DNM3: variants seen among roughly 807,000 people sequenced by gnomAD.
DNM3 encodes the protein dynamin-3.
Under a neutral mutation model 101.6 loss-of-function variants are expected in DNM3, and 47 were observed. The ratio of observed to expected loss-of-function variants is 0.46; its 90% CI spans 0.37 to 0.59. The LOEUF (loss-of-function observed/expected upper bound fraction) is 0.59, where lower values mean the gene tolerates loss of function less well. Among genes scored for constraint, DNM3 ranks in the 20% least tolerant of loss-of-function variants. The pLI is 0.00. For synonymous variants in DNM3, 385 were observed against 387.9 expected, an observed-to-expected ratio of 0.99 and a Z score of 0.09; for missense variants, 849 against 1,085.7, an observed-to-expected ratio of 0.78 and a Z score of 3.06.
At chr1:172,329,063 GT>G (rs5778729) in intron 17 of DNM3, among the ~76,000 whole-genome samples, 80,882 of 151,148 alleles carry the variant, frequency 0.54, 22,177 homozygotes, top group Middle Eastern at 0.68. Context: ...AAGAATTTGT[GT>G]TTTTTTTTGT....
intron 14 of DNM3, among the ~76,000 whole-genome samples, chr1:172,249,622 G>T (rs1302191223): frequency 6.6e-6 from 1 of 152,010 alleles, no homozygotes; most frequent in African/African-American, 2.4e-5. Flanking sequence ...AGTGACCTCA[G>T]CCTCTGAAGC....
At chr1:172,315,317 T>C (rs1257059876) in intron 16 of DNM3, among the ~76,000 whole-genome samples, 1 of 152,018 alleles carries the variant, frequency 6.6e-6, no homozygotes, top group Non-Finnish European at 1.5e-5. Context: ...AACTGGAAAC[T>C]CTAAAAAGCA....
intron 14 of DNM3, chr1:172,144,719 C>G (rs1427199400): frequency 2.2e-6 from 1 of 456,766 alleles, no homozygotes; most frequent in Non-Finnish European, 4.5e-6. Flanking sequence ...ATTCAGCTTT[C>G]CCCCCTGAAT....
At chr1:172,250,854 C>A (rs1378551283) in intron 14 of DNM3, among the ~76,000 whole-genome samples, 1 of 151,976 alleles carries the variant, frequency 6.6e-6, no homozygotes, top group Admixed American at 6.6e-5. Flanking sequence ...TTAGTGCTAT[C>A]AGTAGAAATT....
intron 13 of DNM3, among the ~76,000 whole-genome samples, chr1:172,117,219 A>AG (rs61626491): frequency 1.3e-5 from 2 of 151,860 alleles, no homozygotes; most frequent in South Asian, 2.1e-4. Flanking sequence ...AAAAAAAAAA[A>AG]GTCTTCACTG....
intron 17 of DNM3, among the ~76,000 whole-genome samples, chr1:172,355,375 AAG>A (rs1262189835): frequency 2.6e-5 from 4 of 152,196 alleles, no homozygotes; most frequent in Admixed American, 2.0e-4. Flanking sequence ...ACACTTTCTA[AAG>A]ACAAGTCATA....
At chr1:172,241,967 A>G (rs1482427170) in intron 14 of DNM3, among the ~76,000 whole-genome samples, 1 of 152,214 alleles carries the variant, frequency 6.6e-6, no homozygotes, top group Admixed American at 6.5e-5. Flanking sequence ...GCCCATCTTC[A>G]GAATCCACTC....
intron 14 of DNM3, among the ~76,000 whole-genome samples, chr1:172,193,111 A>G (rs947177739): frequency 1.3e-5 from 2 of 151,658 alleles, no homozygotes; most frequent in Non-Finnish European, 2.9e-5. Context: ...TTTGATTTGC[A>G]TTTCTCTGAT....
chr1:172,373,460 T>C (rs958731837), intron 17 of DNM3, among the ~76,000 whole-genome samples: 1 of 152,110 alleles, frequency 6.6e-6, no homozygotes, highest in Non-Finnish European at 1.5e-5. Flanking sequence ...AATAAAGCAC[T>C]CAGGACAATC....
intron 14 of DNM3, among the ~76,000 whole-genome samples, chr1:172,195,379 T>G (rs1319206954): frequency 6.6e-6 from 1 of 151,848 alleles, no homozygotes. Context: ...ACAAAGACAG[T>G]TTTATTTTTC....
chr1:172,245,047 T>C (rs16844126), intron 14 of DNM3, among the ~76,000 whole-genome samples: 25,148 of 152,198 alleles, frequency 0.17, 2,431 homozygotes, highest in East Asian at 0.24. Flanking sequence ...GTCCTTGAAC[T>C]AGGCAAAGCA....
At chr1:171,842,181 C>G (rs548688316) in intron 1 of DNM3, among the ~76,000 whole-genome samples, 1 of 152,122 alleles carries the variant, frequency 6.6e-6, no homozygotes, top group African/African-American at 2.4e-5. Flanking sequence ...CTGCGTAGCG[C>G]GCCGAAAGCT....
At chr1:172,156,566 T>C (rs977709529) in intron 14 of DNM3, among the ~76,000 whole-genome samples, 6 of 152,060 alleles carry the variant, frequency 3.9e-5, no homozygotes, top group African/African-American at 9.7e-5. Flanking sequence ...CGCCTAATGT[T>C]GGCAAGTAAT....
At chr1:171,962,154 A>T (rs994087304) in intron 2 of DNM3, among the ~76,000 whole-genome samples, 11 of 152,218 alleles carry the variant, frequency 7.2e-5, no homozygotes, top group Non-Finnish European at 4.4e-5. Flanking sequence ...TGAATCCATT[A>T]ATCCAAGAAT....
chr1:172,231,031 G>C (rs2061317028), intron 14 of DNM3, among the ~76,000 whole-genome samples: 1 of 151,648 alleles, frequency 6.6e-6, no homozygotes, highest in Non-Finnish European at 1.5e-5. Flanking sequence ...TCCTAGATGA[G>C]TTCATCTCAT....
intron 20 of DNM3, chr1:172,399,834 G>A (rs2070327186): frequency 1.3e-5 from 2 of 151,594 alleles, no homozygotes; most frequent in African/African-American, 2.4e-5. Context: ...AATTCATCAG[G>A]TATGAAGGTC....
At chr1:172,230,020 G>T (rs1366114413) in intron 14 of DNM3, among the ~76,000 whole-genome samples, 2 of 152,028 alleles carry the variant, frequency 1.3e-5, no homozygotes, top group East Asian at 3.9e-4. Context: ...GTTACTGAAG[G>T]GTTTTATTTT....
At chr1:171,872,719 A>C (rs2035407024) in intron 1 of DNM3, among the ~76,000 whole-genome samples, 1 of 152,082 alleles carries the variant, frequency 6.6e-6, no homozygotes, top group Admixed American at 6.5e-5. Context: ...GAAAATGTGG[A>C]AAGTCGATGT....
chr1:172,246,977 A>G (rs1264135775), intron 14 of DNM3, among the ~76,000 whole-genome samples: 1 of 152,212 alleles, frequency 6.6e-6, no homozygotes, highest in Non-Finnish European at 1.5e-5. Flanking sequence ...CTTGAGCAAC[A>G]AGCAAATTAT....
Sources: allele counts gnomAD v4.1 joint callset (sites outside exome capture counted in the v4.1 genomes callset), GRCh38; gene constraint gnomAD v4.1.1; transcripts MANE v1.5; gene names NCBI Gene and HGNC (gene_info 2026-07-23, HGNC 2026-07-21).